DAB1: variants seen among roughly 807,000 people sequenced by gnomAD.
DAB1 encodes DAB adaptor protein 1, also known as disabled homolog 1.
A neutral mutation model predicts 64.6 loss-of-function variants in DAB1; 15 were observed. That is an observed-to-expected ratio of 0.23 (90% confidence interval 0.16 to 0.36). DAB1 has a LOEUF of 0.36. Among genes scored for constraint, DAB1 ranks in the 10% least tolerant of loss-of-function variants. The pLI is 1.00. For missense variants in DAB1, 596 were observed against 706.7 expected, an observed-to-expected ratio of 0.84 and a Z score of 1.78; for synonymous variants, 235 against 251.9, an observed-to-expected ratio of 0.93 and a Z score of 0.64.
intron 1 of DAB1, among the ~76,000 whole-genome samples, chr1:57,351,284 G>A (rs183776234): frequency 1.1e-4 from 17 of 152,218 alleles, no homozygotes; most frequent in Middle Eastern, 3.4e-3. Context: ...CCACATTTCA[G>A]CACTGTAAGG....
At chr1:58,518,550 T>C (rs1318721872) in intron 2 of DAB1, among the ~76,000 whole-genome samples, 2 of 151,586 alleles carry the variant, frequency 1.3e-5, no homozygotes, top group Non-Finnish European at 2.9e-5. Flanking sequence ...GATGGGAACA[T>C]ACTGAGATAT....
At chr1:57,865,464 C>G (rs1462271198) in intron 1 of DAB1, among the ~76,000 whole-genome samples, 1 of 152,118 alleles carries the variant, frequency 6.6e-6, no homozygotes, top group Non-Finnish European at 1.5e-5. Context: ...TCTCCCTGAG[C>G]CACACACCCA....
intron 5 of DAB1, among the ~76,000 whole-genome samples, chr1:58,059,598 A>G (rs1257832360): frequency 6.6e-6 from 1 of 152,208 alleles, no homozygotes; most frequent in Non-Finnish European, 1.5e-5. Context: ...ACAAGGCCCC[A>G]TTTAGGAACT....
intron 5 of DAB1, among the ~76,000 whole-genome samples, chr1:57,899,937 C>CT (rs112202232): frequency 0.26 from 38,271 of 145,912 alleles, 5,374 homozygotes; most frequent in Non-Finnish European, 0.32. Flanking sequence ...TTATCTTTTT[C>CT]TTTTTTTTTT....
intron 9 of DAB1, among the ~76,000 whole-genome samples, chr1:57,026,311 A>G (rs1646785410): frequency 6.6e-6 from 1 of 152,176 alleles, no homozygotes; most frequent in African/African-American, 2.4e-5. Context: ...AGCAGTAATA[A>G]CATTACTTCA....
At chr1:57,484,651 G>A (rs1320458030) in intron 7 of DAB1, among the ~76,000 whole-genome samples, 1 of 152,148 alleles carries the variant, frequency 6.6e-6, no homozygotes, top group East Asian at 1.9e-4. Context: ...CTGGAGCTTA[G>A]AATGAGGCCA....
rs1277314426 is a variant in DAB1 at position 57,071,077 on chromosome 1, G to A, written c.559-16C>T. ...CCAATATTGTCTATTGCAGAGTAAG[G>A]AGAGGGAGGGTGAAAAGCAGAGGAC... is the stretch of plus-strand genomic sequence containing the variant. On this transcript the variant is annotated splice_polypyrimidine_tract_variant and intron_variant, in intron 6 of 14. Transcript: ENST00000371236. The A allele has an allele frequency of 1.2e-6, 2 of 1,609,842 alleles. No individual in the cohort carries two copies. Among genetic ancestry groups the A allele is most frequent in the Non-Finnish European group, 1.7e-6 (2 of 1,176,304 alleles).
chr1:58,122,958 A>G (rs1652838939), intron 5 of DAB1, among the ~76,000 whole-genome samples: 1 of 152,196 alleles, frequency 6.6e-6, no homozygotes, highest in Non-Finnish European at 1.5e-5. Context: ...TATATCAGGA[A>G]AAAAAGAACA....
chr1:58,519,383 C>A (rs543677887), intron 2 of DAB1, among the ~76,000 whole-genome samples: 1 of 152,108 alleles, frequency 6.6e-6, no homozygotes, highest in Non-Finnish European at 1.5e-5. Context: ...TCTGCAGACA[C>A]GTGAATGACC....
intron 10 of DAB1, among the ~76,000 whole-genome samples, chr1:57,024,702 T>A (rs1321661035): frequency 6.6e-6 from 1 of 152,216 alleles, no homozygotes; most frequent in Non-Finnish European, 1.5e-5. Context: ...GTGAGTCACA[T>A]GTCCTCTCTG....
chr1:57,948,844 G>A (rs1253458022), intron 5 of DAB1, among the ~76,000 whole-genome samples: 1 of 152,032 alleles, frequency 6.6e-6, no homozygotes, highest in Non-Finnish European at 1.5e-5. Context: ...TAGAGCCTTG[G>A]GTCTTTGTTT....
chr1:58,289,450 A>C (rs2100448374), intron 4 of DAB1, among the ~76,000 whole-genome samples: 1 of 152,314 alleles, frequency 6.6e-6, no homozygotes, highest in African/African-American at 2.4e-5. Context: ...CATTAAACTA[A>C]GTGATTTTTA....
chr1:58,354,753 G>A (rs1644094596), intron 3 of DAB1, among the ~76,000 whole-genome samples: 1 of 152,084 alleles, frequency 6.6e-6, no homozygotes, highest in Admixed American at 6.6e-5. Flanking sequence ...CTTCAGAAAT[G>A]GGCTTTGGGG....
intron 4 of DAB1, among the ~76,000 whole-genome samples, chr1:58,250,588 C>A (rs11207179): frequency 0.094 from 14,388 of 152,310 alleles, 725 homozygotes; most frequent in African/African-American, 0.15. Flanking sequence ...AGCATTTCGC[C>A]ACCTAGCGCG....
intron 5 of DAB1, among the ~76,000 whole-genome samples, chr1:58,135,600 T>C (rs1653899990): frequency 6.6e-6 from 1 of 152,188 alleles, no homozygotes; most frequent in Non-Finnish European, 1.5e-5. Flanking sequence ...CCTGGGTATG[T>C]TGTGTGGTAC....
chr1:57,411,757 C>CT (rs1490106364), intron 1 of DAB1, among the ~76,000 whole-genome samples: 2 of 152,344 alleles, frequency 1.3e-5, no homozygotes, highest in Non-Finnish European at 1.5e-5. Context: ...GCCCTCTGCA[C>CT]TATCAGGCTG....
intron 4 of DAB1, among the ~76,000 whole-genome samples, chr1:57,108,210 C>G (rs1655343910): frequency 6.6e-6 from 1 of 152,164 alleles, no homozygotes; most frequent in Non-Finnish European, 1.5e-5. Context: ...TTAGCAGCCT[C>G]AGAGCAAATT....
At chr1:57,188,568 C>T (rs1663825411) in intron 2 of DAB1, among the ~76,000 whole-genome samples, 2 of 152,154 alleles carry the variant, frequency 1.3e-5, no homozygotes, top group South Asian at 4.1e-4. Flanking sequence ...TTATCTGTTA[C>T]TGTCATCAAA....
intron 7 of DAB1, among the ~76,000 whole-genome samples, chr1:57,467,632 C>T (rs1415933740): frequency 6.6e-6 from 1 of 152,106 alleles, no homozygotes; most frequent in Non-Finnish European, 1.5e-5. Context: ...TTCAGTTCAA[C>T]TGAATCAACT....
Sources: allele counts gnomAD v4.1 joint callset (sites outside exome capture counted in the v4.1 genomes callset), GRCh38; gene constraint gnomAD v4.1.1; transcripts MANE v1.5; gene names NCBI Gene and HGNC (gene_info 2026-07-23, HGNC 2026-07-21).